The following RAPGEF4 variants were observed in gnomAD, a reference collection of about 807,000 sequenced individuals.
RAPGEF4 encodes RAP guanine-nucleotide-exchange factor (GEF) 4.
A neutral mutation model predicts 147.9 loss-of-function variants in RAPGEF4; 66 were observed. The observed-to-expected ratio is 0.45, with a 90% CI of 0.37 to 0.55. The LOEUF is 0.55. Among genes scored for constraint, RAPGEF4 ranks in the 20% least tolerant of loss-of-function variants. The pLI is 0.00. For missense variants in RAPGEF4, 1,071 were observed against 1,257.3 expected (o/e 0.85, Z 2.24); for synonymous variants, 419 against 442.7 (o/e 0.95, Z 0.67).
intron 4 of RAPGEF4, among the ~76,000 whole-genome samples, chr2:172,839,248 A>T (rs1328299102): frequency 6.6e-6 from 1 of 152,088 alleles, no homozygotes; most frequent in African/African-American, 2.4e-5. Flanking sequence ...GATCTCACAC[A>T]AGAAAGAATT....
chr2:172,777,809 C>G (rs903693279), intron 1 of RAPGEF4, among the ~76,000 whole-genome samples: 2 of 152,012 alleles, frequency 1.3e-5, no homozygotes, highest in Non-Finnish European at 2.9e-5. Flanking sequence ...TGTGTGTTTC[C>G]CTTCTTCCTG....
At chr2:172,978,385 A>G (rs1366870276) in intron 10 of RAPGEF4, among the ~76,000 whole-genome samples, 1 of 152,198 alleles carries the variant, frequency 6.6e-6, no homozygotes. Flanking sequence ...TCTTCCTGGG[A>G]GAGCTGCCTT....
At chr2:172,828,375 G>A (rs1448358056) in intron 4 of RAPGEF4, among the ~76,000 whole-genome samples, 2 of 152,028 alleles carry the variant, frequency 1.3e-5, no homozygotes, top group Non-Finnish European at 2.9e-5. Flanking sequence ...ACAGAGGAGG[G>A]GTCATAACAG....
chr2:173,026,649 A>C lies in RAPGEF4; in HGVS notation c.2331A>C (p.Ala777=), dbSNP rs758232250. ...AACTGATGAGCTCCAAAGATTTAGC[A>C]TACCAGATGACAATTTATGATTGGG... is the stretch of plus-strand genomic sequence containing the variant. The part of the protein sequence containing the change: ...TFELMSSKDL[A]YQMTIYDWEL... Residue 777 remains alanine, a synonymous_variant, in exon 24 of 31, where the codon GCA becomes GCC. Coordinates refer to ENST00000397081, the MANE Select transcript of RAPGEF4 (RefSeq NM_007023.4). 6 of 1,613,990 alleles carry C rather than the reference A, an allele frequency of 3.7e-6. No homozygotes were observed. In the African/African-American group the frequency reaches 8.0e-5, roughly 22 times the overall value.
Position 173,047,040 on chromosome 2 carries a change from G to A in RAPGEF4, c.2854-1560G>A, listed in dbSNP as rs188194195. Among the ~76,000 whole-genome samples the A allele has an allele frequency of 1.9e-3, 284 of 152,220 alleles. 2 individuals are homozygous for A. Among genetic ancestry groups the A allele is most frequent in the Middle Eastern group, 0.017 (5 of 294 alleles). ...AGAATTACATAGCTGCTCAGAGATC[G>A]GGGAGTCTCTTTCCCTGGGTGGAGC... On this transcript the variant is annotated intron_variant, in intron 29 of 30. Transcript: ENST00000397081.
At position 172,909,945 on chromosome 2, in the gene RAPGEF4, C is replaced by A. The variant is rs371066892; in HGVS notation, c.445-7857C>A. 1.3e-5 allele frequency among the ~76,000 whole-genome samples: 2 copies of A among 152,264 alleles called. 1 individual carries two copies. The highest frequency in any genetic ancestry group is 4.8e-5 in the African/African-American group (2 of 41,544). On this transcript the variant is annotated intron_variant, in intron 4 of 30. Coordinates refer to ENST00000397081, the MANE Select transcript of RAPGEF4 (RefSeq NM_007023.4). ...AGGATTTTACAGCGGAAGGGAATTA[C>A]CCCACCGCTGCATGGGATAATCAAA...
At chr2:172,913,839 G>A (rs1483078013) in intron 4 of RAPGEF4, among the ~76,000 whole-genome samples, 1 of 152,124 alleles carries the variant, frequency 6.6e-6, no homozygotes, top group Non-Finnish European at 1.5e-5. Context: ...TCTAAAGAAT[G>A]AATAGTGAAA....
At chr2:172,801,948 A>C (rs1687026447) in intron 3 of RAPGEF4, among the ~76,000 whole-genome samples, 1 of 152,182 alleles carries the variant, frequency 6.6e-6, no homozygotes. Flanking sequence ...CTGGCGATGC[A>C]CAGTGAAAGG....
intron 12 of RAPGEF4, among the ~76,000 whole-genome samples, chr2:172,986,706 T>A (rs1366931776): frequency 2.0e-5 from 3 of 151,864 alleles, no homozygotes; most frequent in African/African-American, 7.2e-5. Context: ...TTCTTTTTTT[T>A]TTTTTGAGAC....
chr2:172,922,088 C>T (rs963235580), intron 5 of RAPGEF4, among the ~76,000 whole-genome samples, 193 bp from the exon 6 acceptor site: 4 of 152,160 alleles, frequency 2.6e-5, no homozygotes, highest in Non-Finnish European at 4.4e-5. Flanking sequence ...TGGCCCTGCT[C>T]CTGATTCATT....
chr2:173,010,758 G>A (rs1261969584), intron 17 of RAPGEF4, among the ~76,000 whole-genome samples: 1 of 152,168 alleles, frequency 6.6e-6, no homozygotes, highest in East Asian at 1.9e-4. Context: ...ACCATTTCAG[G>A]TATAATCAAT....
At position 173,051,764 on chromosome 2, in the gene RAPGEF4, A is replaced by C; in HGVS notation, c.3033A>C (p.Pro1011=). Residue 1011 remains proline, a synonymous_variant, in exon 31 of 31, where the codon CCA becomes CCC. Coordinates refer to ENST00000397081, the MANE Select transcript of RAPGEF4 (RefSeq NM_007023.4). The part of the protein sequence containing the change: ...QMSHRLEPRR[P] The stretch of plus-strand genomic sequence containing the variant: ...CACACAGATTAGAGCCTCGTCGACC[A>C]TAGACATTTCAAATGCCCAAAGCAA... The C allele has an allele frequency of 6.2e-7, 1 of 1,613,654 alleles. No individual in the cohort carries two copies. The highest frequency in any genetic ancestry group is 1.1e-5 in the South Asian group (1 of 91,006).
At chr2:172,829,483 G>T (rs1024233183) in intron 4 of RAPGEF4, among the ~76,000 whole-genome samples, 4 of 152,174 alleles carry the variant, frequency 2.6e-5, no homozygotes, top group Non-Finnish European at 1.5e-5. Context: ...CGAAAACATC[G>T]TGGTCACTTG....
At chr2:172,948,473 T>C (rs1687900036) in intron 6 of RAPGEF4, among the ~76,000 whole-genome samples, 1 of 152,166 alleles carries the variant, frequency 6.6e-6, no homozygotes, top group South Asian at 2.1e-4. Flanking sequence ...TTTGTGTCTA[T>C]CTAGGGAAAA....
intron 25 of RAPGEF4, among the ~76,000 whole-genome samples, chr2:173,027,670 A>G (rs544808204): frequency 1.9e-4 from 29 of 152,372 alleles, no homozygotes; most frequent in Admixed American, 1.7e-3. Context: ...GTACAGCAGC[A>G]CATCCAGCCC....
At chr2:172,738,275 A>G (rs939303000) in intron 1 of RAPGEF4, among the ~76,000 whole-genome samples, 1 of 152,104 alleles carries the variant, frequency 6.6e-6, no homozygotes, top group African/African-American at 2.4e-5. Flanking sequence ...TTTAAATGCT[A>G]TCTTGATCTT....
intron 4 of RAPGEF4, among the ~76,000 whole-genome samples, chr2:172,833,260 G>GTTTT (rs11335525): frequency 7.9e-6 from 1 of 126,848 alleles, no homozygotes; most frequent in African/African-American, 2.9e-5. Flanking sequence ...AGAGGTTTGG[G>GTTTT]TTTTTTTTTT....
intron 4 of RAPGEF4, among the ~76,000 whole-genome samples, chr2:172,851,784 A>AG (rs1413234755): frequency 6.6e-6 from 1 of 152,136 alleles, no homozygotes; most frequent in African/African-American, 2.4e-5. Flanking sequence ...AATAGACACC[A>AG]GGGCCTACTT....
At chr2:172,914,323 T>A (rs1489620552) in intron 4 of RAPGEF4, among the ~76,000 whole-genome samples, 12 of 4,560 alleles carry the variant, frequency 2.6e-3, no homozygotes, top group Non-Finnish European at 0.02. Context: ...ATATGCATTT[T>A]TTTTTTTTTT....
Sources: allele counts gnomAD v4.1 joint callset (sites outside exome capture counted in the v4.1 genomes callset), GRCh38; gene constraint gnomAD v4.1.1; transcripts MANE v1.5; gene names NCBI Gene and HGNC (gene_info 2026-07-23, HGNC 2026-07-21).